The following CDK12 variants were observed in gnomAD, a reference collection of about 807,000 sequenced individuals.
The protein encoded by CDK12 is cyclin-dependent kinase 12.
CDK12 carries 17 observed loss-of-function variants against 133.8 expected under a neutral mutation model. The ratio of observed to expected loss-of-function variants is 0.13; its 90% confidence interval spans 0.09 to 0.19. The LOEUF (loss-of-function observed/expected upper bound fraction) is 0.19. Among genes scored for constraint, CDK12 ranks in the 10% least tolerant of loss-of-function variants. CDK12 has a pLI of 1.00. For missense variants in CDK12, 1,508 were observed against 1,818.7 expected, an observed-to-expected ratio of 0.83 and a Z score of 3.11; for synonymous variants, 694 against 683.6, an observed-to-expected ratio of 1.02 and a Z score of -0.24.
rs188603049 is a variant in CDK12, at chr17:39,505,329, A to T, written c.2609+3890A>T. Among the ~76,000 whole-genome samples, 70 of 151,982 alleles carry T rather than the reference A, an allele frequency of 4.6e-4. 2 individuals carry two copies. In the East Asian group the frequency reaches 0.013, roughly 29 times the overall value. On this transcript the variant is annotated intron_variant, in intron 6 of 13. Transcript: ENST00000447079. ...ATCACGAGGTCAAGAGATCGAGACC[A>T]TCCTGGCCAACATGGTGAAACCCCG...
intron 9 of CDK12, 92 bp from the exon 10 acceptor site, chr17:39,517,348 C>T (rs930557964): frequency 4.0e-6 from 3 of 744,190 alleles, no homozygotes; most frequent in South Asian, 3.2e-5. Context: ...TTCCCCAGAC[C>T]TCAGGAGGTA....
intron 7 of CDK12, among the ~76,000 whole-genome samples, chr17:39,511,050 C>A (rs2053475118): frequency 6.7e-6 from 1 of 148,862 alleles, no homozygotes; most frequent in South Asian, 2.1e-4. Flanking sequence ...TCTGTCTCTA[C>A]TAAAAATACA....
chr17:39,514,013 C>CTT (rs781280802), intron 8 of CDK12, among the ~76,000 whole-genome samples: 8 of 152,092 alleles, frequency 5.3e-5, no homozygotes, highest in Non-Finnish European at 1.0e-4. Flanking sequence ...CAACATTGCA[C>CTT]TTAGAACTTG....
At chr17:39,558,905 A>G (rs1005502723) in intron 3 of CDK12, among the ~76,000 whole-genome samples, 54 of 152,152 alleles carry the variant, frequency 3.5e-4, no homozygotes, top group African/African-American at 1.3e-3. Flanking sequence ...TGGCCTCCCA[A>G]AGTGTTGGGA....
downstream of CDK12, among the ~76,000 whole-genome samples, chr17:39,537,545 T>TTTTA (rs370963468): frequency 0.14 from 19,704 of 142,444 alleles, 1,560 homozygotes; most frequent in African/African-American, 0.19. Context: ...AATTCCTTAT[T>TTTTA]TTTATTTATT....
chr17:39,509,335 T>C (rs1335694703), intron 6 of CDK12, among the ~76,000 whole-genome samples: 1 of 152,218 alleles, frequency 6.6e-6, no homozygotes, highest in Non-Finnish European at 1.5e-5. Context: ...ATTTCTTTTT[T>C]TTCCCAACAA....
At chr17:39,470,742 C>T in intron 1 of CDK12, 137 bp from the exon 2 acceptor site, 2 of 693,108 alleles carry the variant, frequency 2.9e-6, no homozygotes, top group East Asian at 2.9e-5. Context: ...GTTTCTCAGA[C>T]TGTCCTCGTT....
intron 2 of CDK12, among the ~76,000 whole-genome samples, chr17:39,480,429 C>G (rs759708095): frequency 1.3e-5 from 2 of 151,646 alleles, no homozygotes; most frequent in Non-Finnish European, 2.9e-5. Context: ...ACCACCATGC[C>G]CAGCTAGTTT....
At chr17:39,508,397 A>G (rs1283749920) in intron 6 of CDK12, among the ~76,000 whole-genome samples, 1 of 152,184 alleles carries the variant, frequency 6.6e-6, no homozygotes, top group Non-Finnish European at 1.5e-5. Context: ...GAATTTAGAT[A>G]AATATCATTA....
intron 4 of CDK12, among the ~76,000 whole-genome samples, chr17:39,493,757 G>A (rs544348693): frequency 6.3e-4 from 96 of 152,164 alleles, no homozygotes; most frequent in Admixed American, 1.5e-3. Flanking sequence ...CAGCACTTTG[G>A]GAGGCCAGGT....
At chr17:39,485,116 G>C (rs970039750) in intron 2 of CDK12, among the ~76,000 whole-genome samples, 5 of 150,068 alleles carry the variant, frequency 3.3e-5, no homozygotes, top group African/African-American at 1.2e-4. Flanking sequence ...CTTGCAGTGA[G>C]CTGAGATCGC....
intron 6 of CDK12, among the ~76,000 whole-genome samples, chr17:39,505,102 G>A (rs1354705367): frequency 2.0e-5 from 3 of 151,102 alleles, no homozygotes; most frequent in African/African-American, 7.3e-5. Flanking sequence ...GGTGGCGCAT[G>A]CCTGTAATCC....
intron 2 of CDK12, among the ~76,000 whole-genome samples, chr17:39,474,462 G>C (rs1466521463): frequency 6.6e-6 from 1 of 152,086 alleles, no homozygotes; most frequent in Non-Finnish European, 1.5e-5. Flanking sequence ...GGGATTACAG[G>C]TGCATGCCAC....
intron 6 of CDK12, among the ~76,000 whole-genome samples, chr17:39,508,208 G>C (rs1329386963): frequency 2.0e-5 from 3 of 152,082 alleles, no homozygotes; most frequent in Admixed American, 2.0e-4. Context: ...ACGGCGGGGG[G>C]AGAAGGTTCT....
intron 5 of CDK12, among the ~76,000 whole-genome samples, chr17:39,498,424 T>C (rs1001959416): frequency 6.6e-6 from 1 of 152,078 alleles, no homozygotes; most frequent in Non-Finnish European, 1.5e-5. Context: ...GGTTTCACCA[T>C]GTGGGCCAGG....
At chr17:39,515,608 C>T (rs1381246747) in intron 8 of CDK12, 123 bp from the exon 9 acceptor site, 1 of 615,768 alleles carries the variant, frequency 1.6e-6, no homozygotes, top group Non-Finnish European at 2.9e-6. Context: ...AACTCAGACA[C>T]TGAAATTTGG....
intron 1 of CDK12, among the ~76,000 whole-genome samples, chr17:39,540,745 G>T (rs891557970): frequency 6.6e-6 from 1 of 152,138 alleles, no homozygotes; most frequent in Non-Finnish European, 1.5e-5. Context: ...GCTGGGACTG[G>T]GGCGGGGGTC....
Position 39,533,333 on chromosome 17 carries a change from A to G in CDK12, c.*2017A>G, listed in dbSNP as rs2054975013. The G allele has an allele frequency of 4.3e-6, 1 of 232,954 alleles. No individual in the cohort carries two copies. The highest frequency in any genetic ancestry group is 1.8e-4 in the South Asian group (1 of 5,524). 14.4% of individuals were successfully genotyped at this position (232,954 alleles called of 1,614,324 possible). On this transcript the variant is annotated 3_prime_UTR_variant, in exon 14 of 14. Coordinates refer to ENST00000447079, the MANE Select transcript of CDK12 (RefSeq NM_016507.4). Reference sequence around the variant, plus strand: ...AGGCTTACTGACATGCTATTGGTAAATCGCATTAAAGTTCATCTGAACCTT... The same window carrying G: ...AGGCTTACTGACATGCTATTGGTAAGTCGCATTAAAGTTCATCTGAACCTT...
intron 10 of CDK12, 49 bp from the exon 11 acceptor site, chr17:39,519,907 G>A (rs1448289303): frequency 3.1e-6 from 5 of 1,607,078 alleles, no homozygotes; most frequent in Non-Finnish European, 4.3e-6. Context: ...ACAAATTTGA[G>A]AACTGTAGGG....
Sources: allele counts gnomAD v4.1 joint callset (sites outside exome capture counted in the v4.1 genomes callset), GRCh38; gene constraint gnomAD v4.1.1; transcripts MANE v1.5; gene names NCBI Gene and HGNC (gene_info 2026-07-23, HGNC 2026-07-21).